The following NKAIN2 variants were observed in gnomAD, a reference collection of about 807,000 sequenced individuals.
NKAIN2 encodes sodium/potassium-transporting ATPase subunit beta-1-interacting protein 2.
A neutral mutation model predicts 32.6 loss-of-function variants in NKAIN2; 14 were observed. The observed-to-expected ratio is 0.43, with a 90% confidence interval of 0.28 to 0.67. NKAIN2 has a LOEUF of 0.67. NKAIN2 is among the 30% of genes least tolerant of loss of function. The probability of loss-of-function intolerance (pLI) is 0.17; values close to 1 mark genes in which losing one functional copy is unlikely to be tolerated. For missense variants in NKAIN2, 198 were observed against 258.3 expected (o/e 0.77, Z 1.60); for synonymous variants, 80 against 87.2 (o/e 0.92, Z 0.46).
chr6:124,738,366 T>C (rs1231811744), intron 4 of NKAIN2, among the ~76,000 whole-genome samples: 2 of 151,854 alleles, frequency 1.3e-5, no homozygotes, highest in Non-Finnish European at 2.9e-5. Flanking sequence ...AATAATATAA[T>C]TTGTCTATGT....
chr6:124,803,525 T>G (rs1780360467), intron 5 of NKAIN2, among the ~76,000 whole-genome samples: 1 of 152,232 alleles, frequency 6.6e-6, no homozygotes, highest in African/African-American at 2.4e-5. Flanking sequence ...TCCAAAAGGA[T>G]TTGAAATATG....
At chr6:124,110,202 C>A (rs1384790918) in intron 1 of NKAIN2, among the ~76,000 whole-genome samples, 1 of 150,544 alleles carries the variant, frequency 6.6e-6, no homozygotes, top group African/African-American at 2.4e-5. Flanking sequence ...TGCAGTTTAT[C>A]CCAGGGATGT....
chr6:123,899,069 G>T (rs1373400739), intron 1 of NKAIN2, among the ~76,000 whole-genome samples: 1 of 152,150 alleles, frequency 6.6e-6, no homozygotes, highest in Non-Finnish European at 1.5e-5. Flanking sequence ...CTCTTTGTTG[G>T]CTCTTTAAGG....
chr6:124,177,177 A>G (rs1789198834), intron 1 of NKAIN2, among the ~76,000 whole-genome samples: 1 of 152,230 alleles, frequency 6.6e-6, no homozygotes. Context: ...GTTTTAAATT[A>G]GGAGTCACAT....
intron 3 of NKAIN2, among the ~76,000 whole-genome samples, chr6:124,447,114 T>C (rs1775924249): frequency 6.6e-6 from 1 of 152,150 alleles, no homozygotes; most frequent in Non-Finnish European, 1.5e-5. Context: ...TTCCATTCTC[T>C]CTACAATGCC....
intron 1 of NKAIN2, among the ~76,000 whole-genome samples, chr6:123,852,142 G>A (rs1178049861): frequency 1.3e-5 from 2 of 152,110 alleles, no homozygotes; most frequent in Non-Finnish European, 2.9e-5. Flanking sequence ...TGTTATAAGG[G>A]TCCAATTTCA....
intron 4 of NKAIN2, among the ~76,000 whole-genome samples, chr6:124,696,954 T>C (rs1364247491): frequency 6.6e-6 from 1 of 152,080 alleles, no homozygotes; most frequent in Admixed American, 6.6e-5. Context: ...AGTGCCTCAG[T>C]AGCAAAGAAA....
chr6:124,421,681 A>C (rs763366888), intron 3 of NKAIN2, among the ~76,000 whole-genome samples: 2 of 152,156 alleles, frequency 1.3e-5, no homozygotes, highest in African/African-American at 2.4e-5. Context: ...GTGAGTTCAC[A>C]ATAAGGGTAG....
intron 1 of NKAIN2, among the ~76,000 whole-genome samples, chr6:124,078,705 A>AT (rs1783809420): frequency 6.6e-6 from 1 of 152,002 alleles, no homozygotes; most frequent in African/African-American, 2.4e-5. Context: ...AACATTAAAT[A>AT]TTTTCACCAG....
intron 3 of NKAIN2, among the ~76,000 whole-genome samples, chr6:124,530,095 T>C (rs541332754): frequency 2.0e-3 from 299 of 152,344 alleles, no homozygotes; most frequent in African/African-American, 7.0e-3. Context: ...ATATACACAG[T>C]TGACCCTTGA....
chr6:124,007,220 A>C (rs1045559573), intron 1 of NKAIN2, among the ~76,000 whole-genome samples: 2 of 152,176 alleles, frequency 1.3e-5, no homozygotes, highest in Non-Finnish European at 2.9e-5. Context: ...GGTGCAATAC[A>C]AATACGGTAT....
intron 4 of NKAIN2, among the ~76,000 whole-genome samples, chr6:124,727,424 T>G (rs1346901601): frequency 6.6e-6 from 1 of 150,952 alleles, no homozygotes; most frequent in Non-Finnish European, 1.5e-5. Flanking sequence ...AAGAAAAGAA[T>G]TTTCAACCCA....
intron 1 of NKAIN2, among the ~76,000 whole-genome samples, chr6:123,870,599 T>C (rs1213593973): frequency 1.3e-5 from 2 of 152,230 alleles, no homozygotes; most frequent in African/African-American, 4.8e-5. Context: ...TGCTGTTATA[T>C]ATGTAGTGGA....
chr6:124,347,176 G>A (rs1798468548), intron 2 of NKAIN2, among the ~76,000 whole-genome samples: 2 of 152,174 alleles, frequency 1.3e-5, no homozygotes, highest in African/African-American at 2.4e-5. Flanking sequence ...ACTCTCTTCT[G>A]GCTTGTAGAG....
chr6:124,286,998 G>T (rs1461888232), intron 2 of NKAIN2, among the ~76,000 whole-genome samples: 1 of 151,954 alleles, frequency 6.6e-6, no homozygotes, highest in Non-Finnish European at 1.5e-5. Context: ...TTGTCTTTTG[G>T]TCTTCTTTGC....
At chr6:124,152,094 C>T (rs1002864233) in intron 1 of NKAIN2, among the ~76,000 whole-genome samples, 4 of 151,842 alleles carry the variant, frequency 2.6e-5, no homozygotes, top group Admixed American at 2.0e-4. Flanking sequence ...TTATTTTTCA[C>T]ATTTAAATTT....
At chr6:124,665,396 A>G (rs892303749) in intron 4 of NKAIN2, among the ~76,000 whole-genome samples, 4 of 152,202 alleles carry the variant, frequency 2.6e-5, no homozygotes, top group African/African-American at 9.6e-5. Context: ...GCATTTAAAT[A>G]ATGTTTAAAA....
At chr6:123,821,194 A>G (rs955084193) in intron 1 of NKAIN2, among the ~76,000 whole-genome samples, 1 of 152,238 alleles carries the variant, frequency 6.6e-6, no homozygotes, top group Non-Finnish European at 1.5e-5. Flanking sequence ...GGAATTCTGT[A>G]GAAGTGAGAC....
At chr6:124,487,140 T>C (rs1456950483) in intron 3 of NKAIN2, among the ~76,000 whole-genome samples, 2 of 152,128 alleles carry the variant, frequency 1.3e-5, no homozygotes, top group Non-Finnish European at 2.9e-5. Context: ...TAATCAGTAT[T>C]TTTGGTCAGT....
Sources: gnomAD v4.1 joint callset for allele counts (sites outside exome capture counted in the v4.1 genomes callset) on GRCh38, gnomAD v4.1.1 for gene constraint, MANE v1.5 for transcripts, NCBI Gene and HGNC (gene_info 2026-07-23, HGNC 2026-07-21) for gene names.